DLEU7: variants seen among roughly 807,000 people sequenced by gnomAD.
DLEU7 encodes deleted in lymphocytic leukemia 7, also known as leukemia-associated protein 7.
DLEU7 carries 17 observed loss-of-function variants against 16.0 expected under a neutral mutation model. The ratio of observed to expected loss-of-function variants is 1.06; its 90% CI spans 0.73 to 1.59. The LOEUF (loss-of-function observed/expected upper bound fraction) is 1.59, where lower values mean the gene tolerates loss of function less well. Among genes scored for constraint, DLEU7 ranks in the 40% most tolerant of loss-of-function variants. The pLI, the probability that DLEU7 is intolerant of heterozygous loss-of-function variation, is 0.00. For synonymous variants in DLEU7, 113 were observed against 139.8 expected, an observed-to-expected ratio of 0.81 and a Z score of 1.35; for missense variants, 308 against 314.9, an observed-to-expected ratio of 0.98 and a Z score of 0.17.
intron 1 of DLEU7, among the ~76,000 whole-genome samples, chr13:50,806,659 C>T (rs1178142911): frequency 6.6e-6 from 1 of 151,944 alleles, no homozygotes. Flanking sequence ...CAACTTTATC[C>T]TCACATTTTT....
intron 1 of DLEU7, among the ~76,000 whole-genome samples, chr13:50,769,767 C>A (rs151065017): frequency 2.6e-5 from 4 of 152,146 alleles, no homozygotes; most frequent in East Asian, 1.9e-4. Flanking sequence ...CTTAGCAATG[C>A]GGGCTCTTTT....
Position 50,752,634 on chromosome 13 carries a change from T to C in DLEU7, c.460-39394A>G, listed in dbSNP as rs148495239. On this transcript the variant is annotated intron_variant, in intron 1 of 1. Transcript: ENST00000400393. ...TGGCTCAGGAGTGAAGCTGCCGACC[T>C]TCACGGTGAGTGTTACAGCTCTTAA... 7.7e-3 allele frequency among the ~76,000 whole-genome samples: 1,170 copies of C among 151,854 alleles called. 7 individuals are homozygous for C. Among genetic ancestry groups the C allele is most frequent in the African/African-American group, 0.026 (1,072 of 41,396 alleles).
chr13:50,738,219 G>A lies in DLEU7; in HGVS notation c.460-24979C>T, dbSNP rs143056851. On this transcript the variant is annotated intron_variant, in intron 1 of 1. Transcript: ENST00000400393. ...AGATGAAGCAGTATAACATGTTAAT[G>A]GTAGAATTTAGATGGTGAGTTCTTA... is the stretch of plus-strand genomic sequence containing the variant. 2.4e-4 allele frequency among the ~76,000 whole-genome samples: 36 copies of A among 152,186 alleles called. No homozygotes were observed. In the East Asian group the frequency reaches 6.2e-3, roughly 26 times the overall value.
intron 1 of DLEU7, among the ~76,000 whole-genome samples, chr13:50,761,192 C>T (rs563579064): frequency 6.6e-6 from 1 of 152,180 alleles, no homozygotes; most frequent in Non-Finnish European, 1.5e-5. Context: ...TTCAAAAATA[C>T]CAGGCATGAG....
intron 1 of DLEU7, among the ~76,000 whole-genome samples, chr13:50,753,909 C>A (rs960999809): frequency 6.6e-6 from 1 of 152,202 alleles, no homozygotes; most frequent in African/African-American, 2.4e-5. Context: ...TTTTAATTTC[C>A]ATCTTGATTT....
intron 1 of DLEU7, among the ~76,000 whole-genome samples, chr13:50,729,093 C>T (rs962095701): frequency 6.6e-6 from 1 of 152,020 alleles, no homozygotes; most frequent in African/African-American, 2.4e-5. Context: ...ATTGGTTTCA[C>T]GGGTTTGGTG....
rs1354862735 is a variant in DLEU7 at position 50,726,571 on chromosome 13, A to G, written c.460-13331T>C. Among the ~76,000 whole-genome samples, 2 of 152,210 alleles carry G rather than the reference A, an allele frequency of 1.3e-5. No homozygotes were observed. Among genetic ancestry groups the G allele is most frequent in the African/African-American group, 4.8e-5 (2 of 41,436 alleles). On this transcript the variant is annotated intron_variant, in intron 1 of 1. Coordinates refer to the DLEU7 transcript ENST00000400393. The surrounding 1 kb of genome is among the most constrained non-coding windows in gnomAD (Gnocchi z 4.0). ...GCCAAAATTCACAATGTTTGAAAAAAATAGGTTGAGACACTTTCTGAAAGG... is the reference window on the plus strand; with the variant it reads ...GCCAAAATTCACAATGTTTGAAAAAGATAGGTTGAGACACTTTCTGAAAGG...
chr13:50,828,299 A>G (rs1877158728), intron 1 of DLEU7, among the ~76,000 whole-genome samples: 1 of 152,208 alleles, frequency 6.6e-6, no homozygotes, highest in Admixed American at 6.5e-5. Context: ...GCAAATCTCA[A>G]CAAATATCAG....
At chr13:50,835,232 C>A (rs1352225695) in intron 1 of DLEU7, among the ~76,000 whole-genome samples, 1 of 152,170 alleles carries the variant, frequency 6.6e-6, no homozygotes, top group Admixed American at 6.5e-5. Context: ...AGACTCGGCC[C>A]AGATCCCAAA....
intron 1 of DLEU7, among the ~76,000 whole-genome samples, chr13:50,762,744 CA>C (rs1417490239): frequency 1.7e-4 from 25 of 145,942 alleles, no homozygotes; most frequent in Admixed American, 1.5e-3. Flanking sequence ...AACAAAAAAA[CA>C]ACAAAAACAC....
chr13:50,812,482 A>AT (rs1876600372), intron 1 of DLEU7, among the ~76,000 whole-genome samples: 1 of 152,112 alleles, frequency 6.6e-6, no homozygotes, highest in African/African-American at 2.4e-5. Context: ...TTTAGTCTGT[A>AT]TGTAGGGTAA....
Position 50,768,088 on chromosome 13 carries a change from C to T in DLEU7, c.460-54848G>A, listed in dbSNP as rs2137752841. On this transcript the variant is annotated intron_variant, in intron 1 of 1. Transcript: ENST00000400393. The stretch of plus-strand genomic sequence containing the variant: ...ATGTTTATCCTTTCTTCCTGTAGCT[C>T]TGAATTTTTATTTGGTATTATTTTT... 2.0e-5 allele frequency among the ~76,000 whole-genome samples: 3 copies of T among 152,228 alleles called. No homozygotes were observed. In the South Asian group the frequency reaches 6.2e-4, roughly 32 times the overall value.
At chr13:50,774,476 G>A (rs186386164) in intron 1 of DLEU7, among the ~76,000 whole-genome samples, 54 of 152,200 alleles carry the variant, frequency 3.5e-4, no homozygotes, top group African/African-American at 1.2e-3. Context: ...GAAACTAGAC[G>A]TCATGTTTAT....
At chr13:50,748,786 G>A (rs1300978398) in intron 1 of DLEU7, among the ~76,000 whole-genome samples, 1 of 152,124 alleles carries the variant, frequency 6.6e-6, no homozygotes, top group African/African-American at 2.4e-5. Context: ...GAGAATTGGA[G>A]AAAAGAGAGG....
intron 1 of DLEU7, among the ~76,000 whole-genome samples, chr13:50,722,803 T>G (rs998753407): frequency 6.6e-6 from 1 of 152,212 alleles, no homozygotes; most frequent in Non-Finnish European, 1.5e-5. Flanking sequence ...TGATTATAGA[T>G]TTGCATGTAG....
At chr13:50,758,850 T>G (rs933884435) in intron 1 of DLEU7, among the ~76,000 whole-genome samples, 7 of 152,216 alleles carry the variant, frequency 4.6e-5, no homozygotes, top group African/African-American at 1.4e-4. Flanking sequence ...GGCACTCCTT[T>G]ACTTAGCTAT....
At chr13:50,772,167 A>G (rs1248156851) in intron 1 of DLEU7, among the ~76,000 whole-genome samples, 1 of 152,168 alleles carries the variant, frequency 6.6e-6, no homozygotes, top group Non-Finnish European at 1.5e-5. Context: ...GTCTCTGCAC[A>G]TGAGATGGGT....
chr13:50,808,889 TAGAA>T (rs763858439), intron 1 of DLEU7, among the ~76,000 whole-genome samples: 43 of 151,550 alleles, frequency 2.8e-4, no homozygotes, highest in African/African-American at 8.0e-4. Context: ...AAAAAAAACT[TAGAA>T]AGGTCAGTTG....
chr13:50,753,694 C>T (rs1186489747), intron 1 of DLEU7, among the ~76,000 whole-genome samples: 1 of 152,206 alleles, frequency 6.6e-6, no homozygotes, highest in Non-Finnish European at 1.5e-5. Context: ...TCTCCCTCCA[C>T]ACCTCCCTGC....
Sources: allele counts gnomAD v4.1 joint callset (sites outside exome capture counted in the v4.1 genomes callset), GRCh38; gene constraint gnomAD v4.1.1; non-coding constraint Gnocchi (gnomAD v3.1); transcripts MANE v1.5; gene names NCBI Gene and HGNC (gene_info 2026-07-23, HGNC 2026-07-21).